SLC2A13: variants seen among roughly 807,000 people sequenced by gnomAD.
SLC2A13 encodes proton myo-inositol cotransporter.
A neutral mutation model predicts 64.4 loss-of-function variants in SLC2A13; 32 were observed. That is an observed-to-expected ratio of 0.50 (90% CI 0.37 to 0.67). The LOEUF (loss-of-function observed/expected upper bound fraction) is 0.67. SLC2A13 is among the 30% of genes least tolerant of loss of function. SLC2A13 has a pLI of 0.00. For missense variants in SLC2A13, 743 were observed against 829.2 expected (o/e 0.90, Z 1.28); for synonymous variants, 338 against 327.1 (o/e 1.03, Z -0.36).
chr12:40,046,400 G>A (rs1381985399), intron 2 of SLC2A13, among the ~76,000 whole-genome samples: 1 of 152,084 alleles, frequency 6.6e-6, no homozygotes. Context: ...TTTCTTAATT[G>A]TTATGCGTAA....
intron 7 of SLC2A13, among the ~76,000 whole-genome samples, chr12:39,820,071 A>G (rs946307679): frequency 9.9e-5 from 15 of 152,280 alleles, no homozygotes; most frequent in Admixed American, 9.8e-4. Context: ...TCCATGCAGA[A>G]CAGCTCTAAA....
intron 3 of SLC2A13, among the ~76,000 whole-genome samples, chr12:39,990,664 G>A (rs367762922): frequency 3.9e-5 from 6 of 152,274 alleles, no homozygotes; most frequent in Admixed American, 6.5e-5. Context: ...CTAGGGCTAC[G>A]ACTAGGTGGT....
intron 1 of SLC2A13, among the ~76,000 whole-genome samples, chr12:40,097,409 G>C (rs1393572684): frequency 6.6e-6 from 1 of 151,938 alleles, no homozygotes; most frequent in African/African-American, 2.4e-5. Flanking sequence ...TACATCAAAA[G>C]ACACAATAAA....
rs139976499 is a variant in SLC2A13 at position 39,867,055 on chromosome 12, T to C, written c.1199-2173A>G. ...TCTCAAAAGACTATCAAGCCCCAAA[T>C]TGGAAAACAGAAAAGAGATATAATA... On this transcript the variant is annotated intron_variant, in intron 5 of 9. Transcript: ENST00000280871. 9.9e-3 allele frequency among the ~76,000 whole-genome samples: 1,511 copies of C among 152,204 alleles called. 10 individuals are homozygous for C. The highest frequency in any genetic ancestry group is 0.034 in the South Asian group (166 of 4,822).
chr12:40,068,350 G>T, intron 1 of SLC2A13: 1 of 384,590 alleles, frequency 2.6e-6, no homozygotes. Context: ...GCTGTGCCCA[G>T]TCCAGTATTA....
At chr12:39,981,527 A>G (rs1413753675) in intron 3 of SLC2A13, among the ~76,000 whole-genome samples, 10 of 148,662 alleles carry the variant, frequency 6.7e-5, no homozygotes, top group African/African-American at 2.5e-4. Flanking sequence ...ACAAACTACC[A>G]TCAGAGAATA....
chr12:39,779,874 G>T (rs74090342), intron 7 of SLC2A13, among the ~76,000 whole-genome samples: 7,249 of 152,270 alleles, frequency 0.048, 592 homozygotes, highest in African/African-American at 0.17. Flanking sequence ...AGTATCTCTG[G>T]CTCGTGTTTA....
intron 3 of SLC2A13, among the ~76,000 whole-genome samples, chr12:39,997,596 C>T (rs767481550): frequency 1.8e-4 from 27 of 152,146 alleles, no homozygotes; most frequent in Non-Finnish European, 2.9e-4. Context: ...TTTGGGAGGC[C>T]GAGGCAGGCA....
intron 6 of SLC2A13, among the ~76,000 whole-genome samples, chr12:39,844,408 T>C (rs187684760): frequency 2.3e-3 from 344 of 152,200 alleles, no homozygotes; most frequent in African/African-American, 7.9e-3. Flanking sequence ...AACGATAAAG[T>C]TCTTATACTA....
intron 3 of SLC2A13, among the ~76,000 whole-genome samples, chr12:39,987,917 A>G (rs976568750): frequency 1.3e-5 from 2 of 152,134 alleles, no homozygotes; most frequent in Non-Finnish European, 2.9e-5. Flanking sequence ...GTAAAACATT[A>G]AAATAAAGGC....
intron 5 of SLC2A13, 91 bp downstream of exon 5, chr12:39,871,707 A>G (rs906472681): frequency 1.6e-6 from 2 of 1,240,252 alleles, no homozygotes; most frequent in East Asian, 5.5e-5. Context: ...AACCAATATT[A>G]GAAGTGGTGT....
Position 40,004,069 on chromosome 12 carries a change from A to G in SLC2A13, c.925+24232T>C, listed in dbSNP as rs556939442. Among the ~76,000 whole-genome samples, 188 of 152,352 alleles carry G rather than the reference A, an allele frequency of 1.2e-3. 3 individuals are homozygous for G. The South Asian group carries it at 0.038, about 30-fold the overall frequency. ...ATACAAAATACAAATTTAAAAAAAG[A>G]TAGTATAACAACTATTTGCATAACA... On this transcript the variant is annotated intron_variant, in intron 3 of 9. Coordinates refer to ENST00000280871, the MANE Select transcript of SLC2A13 (RefSeq NM_052885.4).
chr12:39,765,997 T>C (rs1474714930), intron 7 of SLC2A13, among the ~76,000 whole-genome samples: 1 of 152,108 alleles, frequency 6.6e-6, no homozygotes, highest in Non-Finnish European at 1.5e-5. Context: ...CTGTGCTCCG[T>C]ATAATGCATT....
chr12:39,847,691 T>C (rs1943356193), intron 6 of SLC2A13, among the ~76,000 whole-genome samples: 1 of 152,082 alleles, frequency 6.6e-6, no homozygotes, highest in African/African-American at 2.4e-5. Context: ...TTGAGTTTAT[T>C]TCACATGACA....
At chr12:39,901,508 A>C (rs1197718581) in intron 4 of SLC2A13, among the ~76,000 whole-genome samples, 18 of 137,128 alleles carry the variant, frequency 1.3e-4, no homozygotes, top group African/African-American at 4.9e-4. Context: ...AAAAACAAAC[A>C]ACCCCATCAA....
At chr12:39,794,596 AG>A (rs1299293093) in intron 7 of SLC2A13, among the ~76,000 whole-genome samples, 2 of 152,212 alleles carry the variant, frequency 1.3e-5, no homozygotes, top group Admixed American at 6.5e-5. Flanking sequence ...GGTTCAAAGA[AG>A]GCAAAGGCAG....
chr12:39,813,941 C>T (rs2135812110), intron 7 of SLC2A13, among the ~76,000 whole-genome samples: 1 of 152,332 alleles, frequency 6.6e-6, no homozygotes, highest in Middle Eastern at 3.4e-3. Context: ...TCTTGGATAA[C>T]TCCACATTTC....
At chr12:39,973,266 A>C (rs1457384200) in intron 3 of SLC2A13, among the ~76,000 whole-genome samples, 2 of 152,324 alleles carry the variant, frequency 1.3e-5, no homozygotes, top group African/African-American at 2.4e-5. Context: ...GCAGCATTGG[A>C]AACAGTGGCT....
intron 3 of SLC2A13, among the ~76,000 whole-genome samples, chr12:40,021,246 C>T (rs1947710979): frequency 6.6e-6 from 1 of 152,102 alleles, no homozygotes; most frequent in Admixed American, 6.6e-5. Context: ...TGTTCTTTAT[C>T]CCCATATAAC....
Sources: gnomAD v4.1 joint callset for allele counts (sites outside exome capture counted in the v4.1 genomes callset) on GRCh38, gnomAD v4.1.1 for gene constraint, MANE v1.5 for transcripts, NCBI Gene and HGNC (gene_info 2026-07-23, HGNC 2026-07-21) for gene names.